Variants in REXO1 observed in about 807,000 individuals in gnomAD.
REXO1 encodes the protein REX1, RNA exonuclease 1 homolog.
REXO1 carries 42 observed loss-of-function variants against 102.6 expected under a neutral mutation model. That is an observed-to-expected ratio of 0.41 (90% confidence interval 0.32 to 0.53). The LOEUF (loss-of-function observed/expected upper bound fraction) is 0.53. Ranked by LOEUF, REXO1 falls within the 20% of genes least tolerant of loss-of-function variation. The pLI is 0.27. For missense variants in REXO1, 1,819 were observed against 1,732.5 expected (o/e 1.05, Z -0.89); for synonymous variants, 908 against 779.1 (o/e 1.17, Z -2.76).
intron 1 of REXO1, among the ~76,000 whole-genome samples, chr19:1,836,527 C>T (rs1377563276): frequency 3.3e-5 from 5 of 151,902 alleles, no homozygotes; most frequent in Non-Finnish European, 7.4e-5. Flanking sequence ...GGGTGGATCA[C>T]CTGAGGTCAG....
In REXO1 at chr19:1,819,067, G is replaced by A. The variant is rs890023909; in HGVS notation, c.2715C>T (p.Thr905=). Reference sequence around the variant, plus strand: ...TGCTTGGACGGCTGAGCGAGAAGCTGGTCTTGGCGGCCAACCTGCCCCCCA... The same window carrying A: ...TGCTTGGACGGCTGAGCGAGAAGCTAGTCTTGGCGGCCAACCTGCCCCCCA... ...VVLGGRLAAK[T]SFSLSRPSSP... Residue 905 remains threonine (T), a synonymous_variant, in exon 8 of 16, where the codon ACC becomes ACT. Transcript: ENST00000170168. 1.2e-6 allele frequency: 2 copies of A among 1,601,162 alleles called. No individual in the cohort carries two copies. The highest frequency in any genetic ancestry group is 1.7e-6 in the Non-Finnish European group (2 of 1,172,820).
chr19:1,827,564 C>T lies in REXO1; in HGVS notation c.1225G>A (p.Glu409Lys). Residue 409 changes from glutamate to lysine, a missense_variant, in exon 2 of 16, where the codon GAG becomes AAG. By Grantham distance (56) the Glu-to-Lys change is moderately conservative (BLOSUM62 1). Coordinates refer to ENST00000170168, the MANE Select transcript of REXO1 (RefSeq NM_020695.4). Reference protein sequence around the residue: ...TKDKGRGRPVEKPRADKKGPQ... With the variant: ...TKDKGRGRPVKKPRADKKGPQ... ...CCCTTCTTGTCCGCACGGGGCTTCT[C>T]CACAGGCCGCCCTCGGCCCTTGTCC... 6.3e-7 allele frequency: 1 copy of T among 1,596,054 alleles called. No homozygotes were observed. The highest frequency in any genetic ancestry group is 1.8e-5 in the Admixed American group (1 of 54,196).
chr19:1,816,642 T>TGGGGGGGCC, intron 13 of REXO1, 56 bp downstream of exon 13: 3 of 606,330 alleles, frequency 4.9e-6, no homozygotes, highest in East Asian at 5.2e-5. Context: ...GGAGGGTGGG[T>TGGGGGGGCC]CCCTGGGGAG....
chr19:1,845,649 G>C (rs1026118894), intron 1 of REXO1, among the ~76,000 whole-genome samples: 3 of 152,204 alleles, frequency 2.0e-5, no homozygotes, highest in Non-Finnish European at 4.4e-5. Flanking sequence ...GGGTGATAAA[G>C]TGAGACCCTG....
In REXO1 at chr19:1,816,158, C is replaced by CG; in HGVS notation, c.3578-5dup. On this transcript the variant is annotated splice_polypyrimidine_tract_variant and splice_region_variant and intron_variant, in intron 15 of 15. Transcript: ENST00000170168. ...TCGCTGGAGCTGTGCCCATCCACTG[C>CG]GGGGCAGATGCGGTGAGCACCCGGC... 3 of 1,552,430 alleles carry CG rather than the reference C, an allele frequency of 1.9e-6. No individual in the cohort carries two copies. The Admixed American group carries it at 5.9e-5, about 30-fold the overall frequency.
rs2069444900 is a variant in REXO1, at chr19:1,818,744, G to A, written c.2864C>T (p.Ala955Val). ...PFPHPERPGG[A>V]IIFTAEEKRP... ...CTTCTCCTCAGCTGTGAAGATGATTGCGCCCCCGGGCCGCTCTGGGTGCGG... is the reference window on the plus strand; with the variant it reads ...CTTCTCCTCAGCTGTGAAGATGATTACGCCCCCGGGCCGCTCTGGGTGCGG... The change falls in exon 9 of 16, where the codon GCA becomes GTA. Residue 955 changes from alanine (A) to valine (V), a missense_variant. Coordinates refer to ENST00000170168, the MANE Select transcript of REXO1 (RefSeq NM_020695.4). 1 of 1,610,910 alleles carries A rather than the reference G, an allele frequency of 6.2e-7. No homozygotes were observed. The highest frequency in any genetic ancestry group is 8.5e-7 in the Non-Finnish European group (1 of 1,179,886).
At chr19:1,831,287 G>T (rs1472555720) in intron 1 of REXO1, among the ~76,000 whole-genome samples, 1 of 152,236 alleles carries the variant, frequency 6.6e-6, no homozygotes, top group African/African-American at 2.4e-5. Flanking sequence ...ACTTGATTCT[G>T]ACTGAACGTG....
chr19:1,848,206 T>G lies in REXO1; in HGVS notation c.153A>C (p.Ala51=), dbSNP rs2011647100. Residue 51 remains alanine, a synonymous_variant, in exon 1 of 16, where the codon GCA becomes GCC. Transcript: ENST00000170168. The stretch of plus-strand genomic sequence containing the variant: ...AAGCAGGCGGGCGGGCATTACCTGC[T>G]GCGGGGGGCGCCTCTCCGCCGTCAC... The part of the protein sequence containing the change: ...APGDGGEAPP[A]AGLGYDPYNP... The G allele has an allele frequency of 9.0e-6, 11 of 1,221,864 alleles. No individual in the cohort carries two copies. The highest frequency in any genetic ancestry group is 1.0e-5 in the Non-Finnish European group (10 of 978,628). The allele number at this position is 1,221,864 out of a possible 1,614,324, so 75.7% of individuals were successfully genotyped here.
At chr19:1,817,867 C>T (rs2304612) in intron 10 of REXO1, 87 bp from the exon 11 acceptor site, 267,444 of 1,083,016 alleles carry the variant, frequency 0.25, 37,262 homozygotes, top group African/African-American at 0.47. Context: ...CTACCGAGCC[C>T]TACTAGGGAG....
At position 1,816,587 on chromosome 19, in the gene REXO1, A is replaced by AG; in HGVS notation, c.3318-19dup. Reference sequence around the variant, plus strand: ...CCGAAAACCTGGGGGAACGGGCAGGAGGGGCACCAGGGCTCAGCCTGGAAG... The same window carrying AG: ...CCGAAAACCTGGGGGAACGGGCAGGAGGGGGCACCAGGGCTCAGCCTGGAAG... On this transcript the variant is annotated intron_variant, in intron 13 of 15. Coordinates refer to ENST00000170168, the MANE Select transcript of REXO1 (RefSeq NM_020695.4). 1 of 1,222,456 alleles carries AG rather than the reference A, an allele frequency of 8.2e-7. No individual in the cohort carries two copies. Among genetic ancestry groups the AG allele is most frequent in the African/African-American group, 2.5e-5 (1 of 40,608 alleles). 75.7% of individuals were successfully genotyped at this position (1,222,456 alleles called of 1,614,324 possible).
chr19:1,847,908 C>A (rs1045467588), intron 1 of REXO1, among the ~76,000 whole-genome samples: 1 of 152,252 alleles, frequency 6.6e-6, no homozygotes, highest in Admixed American at 6.5e-5. Context: ...CCCCTTGTGT[C>A]AGGCCCGGTG....
rs1478330626 is a variant in REXO1 at position 1,816,112 on chromosome 19, T to C, written c.3620A>G (p.His1207Arg). Reference protein sequence around the residue: ...SSSEDAGACMHLVIWKVREDA... With the variant: ...SSSEDAGACMRLVIWKVREDA... The stretch of plus-strand genomic sequence containing the variant: ...TTCTCGAACCTTCCAGATCACCAGG[T>C]GCATGCAGGCGCCGGCGTCCTCGCT... Residue 1207 changes from histidine (H) to arginine (R), a missense_variant, in exon 16 of 16, where the codon CAC becomes CGC. By Grantham distance (29) the His-to-Arg change is conservative. Coordinates refer to ENST00000170168, the MANE Select transcript of REXO1 (RefSeq NM_020695.4). 1 of 1,549,386 alleles carries C rather than the reference T, an allele frequency of 6.5e-7. No individual in the cohort carries two copies. Among genetic ancestry groups the C allele is most frequent in the Non-Finnish European group, 8.7e-7 (1 of 1,146,546 alleles).
intron 1 of REXO1, among the ~76,000 whole-genome samples, chr19:1,834,420 G>A (rs895279663): frequency 1.3e-5 from 2 of 152,094 alleles, no homozygotes; most frequent in Non-Finnish European, 2.9e-5. Flanking sequence ...GCCTGTGTGA[G>A]TACTTGTTTT....
intron 5 of REXO1, among the ~76,000 whole-genome samples, chr19:1,821,175 G>A (rs759890410): frequency 2.5e-4 from 38 of 151,708 alleles, no homozygotes; most frequent in Admixed American, 9.2e-4. Context: ...GTGAAACCCC[G>A]TTTCTACTAA....
chr19:1,825,746 G>C (rs1184240360), intron 3 of REXO1, 93 bp downstream of exon 3: 1 of 859,050 alleles, frequency 1.2e-6, no homozygotes, highest in Non-Finnish European at 1.9e-6. Context: ...AAAGTGCTGG[G>C]ATTACAGGCG....
intron 4 of REXO1, chr19:1,821,960 A>G (rs2069557460): frequency 3.7e-6 from 2 of 541,634 alleles, no homozygotes; most frequent in Non-Finnish European, 6.4e-6. Flanking sequence ...TTCTGACCCC[A>G]AGCCCAAGGC....
intron 4 of REXO1, 108 bp downstream of exon 4, chr19:1,823,464 A>G: frequency 2.5e-6 from 2 of 791,202 alleles, no homozygotes; most frequent in Non-Finnish European, 3.5e-6. Context: ...AAGTCATCCC[A>G]TGAGCAAGCA....
chr19:1,841,318 A>G (rs1270065502), intron 1 of REXO1, among the ~76,000 whole-genome samples: 2 of 152,242 alleles, frequency 1.3e-5, no homozygotes, highest in African/African-American at 4.8e-5. Context: ...GGGCGCACCC[A>G]GCGCTCCCCG....
chr19:1,820,855 G>A (rs1368042393), intron 5 of REXO1, among the ~76,000 whole-genome samples: 1 of 151,972 alleles, frequency 6.6e-6, no homozygotes, highest in Non-Finnish European at 1.5e-5. Context: ...ATTATTAGCT[G>A]GGGTGTGATG....
Sources: gnomAD v4.1 joint callset for allele counts (sites outside exome capture counted in the v4.1 genomes callset) on GRCh38, gnomAD v4.1.1 for gene constraint, MANE v1.5 for transcripts, NCBI Gene and HGNC (gene_info 2026-07-23, HGNC 2026-07-21) for gene names.